Variants in GALNT15 observed in about 807,000 individuals in gnomAD.
GALNT15 encodes polypeptide N-acetylgalactosaminyltransferase 15.
In GALNT15, 67 loss-of-function variants were observed where a neutral mutation model predicts 66.8. The ratio of observed to expected loss-of-function variants is 1.00; its 90% CI spans 0.82 to 1.23. GALNT15 has a LOEUF of 1.23. Ranked by LOEUF, GALNT15 falls within the 50% of genes most tolerant of loss-of-function variation. GALNT15 has a pLI of 0.00. For missense variants in GALNT15, 827 were observed against 804.3 expected (o/e 1.03, Z -0.34); for synonymous variants, 313 against 311.5 (o/e 1.00, Z -0.05).
At chr3:16,235,697 T>C (rs759106621), downstream of GALNT15, among the ~76,000 whole-genome samples, 6 of 152,150 alleles carry the variant, frequency 3.9e-5, no homozygotes, top group Non-Finnish European at 8.8e-5. Context: ...AGTTAAGACT[T>C]CCATAATGAC....
At chr3:16,190,554 C>T (rs1443672525) in intron 1 of GALNT15, among the ~76,000 whole-genome samples, 5 of 149,222 alleles carry the variant, frequency 3.4e-5, no homozygotes, top group African/African-American at 4.9e-5. Flanking sequence ...AGGAGAATGG[C>T]GTGAGCCCGG....
At chr3:16,208,159 C>A (rs1418804598) in intron 3 of GALNT15, among the ~76,000 whole-genome samples, 1 of 152,026 alleles carries the variant, frequency 6.6e-6, no homozygotes, top group Non-Finnish European at 1.5e-5. Flanking sequence ...TAACACAAGC[C>A]ACATATGTAA....
Position 16,225,664 on chromosome 3 carries a change from C to T in GALNT15, c.1774-1690C>T, listed in dbSNP as rs55641654. 0.11 allele frequency among the ~76,000 whole-genome samples: 16,192 copies of T among 151,896 alleles called. 1,381 individuals are homozygous for T. Among genetic ancestry groups the T allele is most frequent in the African/African-American group, 0.23 (9,684 of 41,394 alleles). On this transcript the variant is annotated intron_variant, in intron 9 of 9. Transcript: ENST00000339732. This position sits in a 1 kb window ranked among gnomAD's most constrained non-coding sequence, Gnocchi z 4.4. ...GAGCTGAGATCGTGCCACTGTACTC[C>T]AGCCTGGGTGACAGAGAGAGACTGT...
Position 16,195,778 on chromosome 3 carries a change from T to A in GALNT15, c.558T>A (p.Pro186=). The A allele has an allele frequency of 6.2e-7, 1 of 1,613,376 alleles. No homozygotes were observed. The highest frequency in any genetic ancestry group is 8.5e-7 in the Non-Finnish European group (1 of 1,179,576). Residue 186 remains proline, a synonymous_variant, in exon 2 of 10, where the codon CCT becomes CCA. Transcript: ENST00000339732. This position sits in a 1 kb window ranked among gnomAD's most constrained non-coding sequence, Gnocchi z 4.6. ...CCTGCAGGTGTCTGCAGCAGCACCC[T>A]CAGGACAGCCTGCCCACAGCCAGCG... ...VRHPLCLQQH[P]QDSLPTASVI...
At chr3:16,179,677 T>C (rs574951587) in intron 1 of GALNT15, among the ~76,000 whole-genome samples, 1 of 152,310 alleles carries the variant, frequency 6.6e-6, no homozygotes, top group East Asian at 1.9e-4. Flanking sequence ...TACAGCACTG[T>C]ATCATTAGGG....
intron 6 of GALNT15, among the ~76,000 whole-genome samples, chr3:16,215,470 AT>A (rs1014175766): frequency 1.3e-5 from 2 of 152,164 alleles, no homozygotes; most frequent in Non-Finnish European, 2.9e-5. Flanking sequence ...ACCTTTTAGT[AT>A]TTTTTCTCTC....
In GALNT15 at chr3:16,211,134, G is replaced by T. The variant is rs780449462; in HGVS notation, c.1090G>T (p.Val364Leu). ...SPISPIRSPV[V>L]PGEVVAMDRH... ...GTCTTCTGTGTCCAGGAGCCCTGTG[G>T]TGCCCGGAGAGGTGGTGGCCATGGA... The change falls in exon 5 of 10, where the codon GTG (valine) becomes TTG (leucine). Residue 364 changes from valine to leucine, a missense_variant. Transcript: ENST00000339732. This position sits in a 1 kb window ranked among gnomAD's most constrained non-coding sequence, Gnocchi z 4.3. 6.2e-7 allele frequency: 1 copy of T among 1,612,804 alleles called. No homozygotes were observed. Among genetic ancestry groups the T allele is most frequent in the Non-Finnish European group, 8.5e-7 (1 of 1,178,874 alleles).
At position 16,226,009 on chromosome 3, in the gene GALNT15, ACTGTACTCCCGC is replaced by A. The variant is rs2064010192; in HGVS notation, c.1774-1341_1774-1330del. Among the ~76,000 whole-genome samples, 5 of 151,888 alleles carry A rather than the reference ACTGTACTCCCGC, an allele frequency of 3.3e-5. No homozygotes were observed. In the South Asian group the frequency reaches 1.0e-3, roughly 32 times the overall value. ...GGTTGCAATGAGCCGAGATCACACC[ACTGTACTCCCGC>A]CTGGGTGACAGAGCAAGACTCCTTC... On this transcript the variant is annotated intron_variant, in intron 9 of 9. Transcript: ENST00000339732.
intron 3 of GALNT15, among the ~76,000 whole-genome samples, chr3:16,207,619 C>T (rs1309567338): frequency 1.4e-5 from 2 of 146,948 alleles, no homozygotes; most frequent in African/African-American, 2.5e-5. Flanking sequence ...ATTATAGATA[C>T]CAGATGTTCA....
the GALNT15 span, among the ~76,000 whole-genome samples, chr3:16,246,851 G>A: frequency 6.6e-6 from 1 of 152,170 alleles, no homozygotes; most frequent in Non-Finnish European, 1.5e-5. Context: ...AAAATTAGGT[G>A]GGAAAATTGA....
rs2063720365 is a variant in GALNT15, at chr3:16,203,221, A to G, written c.911+2398A>G. The stretch of plus-strand genomic sequence containing the variant: ...TTGGAGAAGCTGGTCAGGGAGGAAC[A>G]TTAGTCATCCCTAACCCCACAACTG... On this transcript the variant is annotated intron_variant, in intron 3 of 9. Transcript: ENST00000339732. This position sits in a 1 kb window ranked among gnomAD's most constrained non-coding sequence, Gnocchi z 6.2. Among the ~76,000 whole-genome samples, 1 of 152,138 alleles carries G rather than the reference A, an allele frequency of 6.6e-6. No individual in the cohort carries two copies. Among genetic ancestry groups the G allele is most frequent in the African/African-American group, 2.4e-5 (1 of 41,402 alleles).
chr3:16,185,553 T>C (rs764712546), intron 1 of GALNT15, among the ~76,000 whole-genome samples: 9 of 152,168 alleles, frequency 5.9e-5, no homozygotes, highest in Non-Finnish European at 1.0e-4. Flanking sequence ...GTAAGCACAT[T>C]TGTAAGGCAG....
downstream of GALNT15, among the ~76,000 whole-genome samples, chr3:16,234,789 T>C (rs185715714): frequency 1.8e-3 from 271 of 152,292 alleles, 3 homozygotes; most frequent in African/African-American, 6.3e-3. Flanking sequence ...TCTCAACCCA[T>C]GCACAAGATA....
In GALNT15 at chr3:16,211,282, G is replaced by C. The variant is rs776242251; in HGVS notation, c.1197+41G>C. ...AGGGAGGACAGAGGTGGGATCTCTG[G>C]AGTGGTGTGTATGGTCACAGCTCAG... On this transcript the variant is annotated intron_variant, in intron 5 of 9. Transcript: ENST00000339732. This position sits in a 1 kb window ranked among gnomAD's most constrained non-coding sequence, Gnocchi z 4.3. The C allele has an allele frequency of 3.9e-6, 5 of 1,292,322 alleles. No individual in the cohort carries two copies. The African/African-American group carries it at 7.2e-5, about 19-fold the overall frequency. 80.1% of individuals were successfully genotyped at this position (1,292,322 alleles called of 1,614,324 possible). A position where few individuals can be genotyped will look rare whatever the true frequency, so the allele number is the denominator to read the frequency against.
At position 16,203,725 on chromosome 3, in the gene GALNT15, T is replaced by C. The variant is rs4684273; in HGVS notation, c.911+2902T>C. On this transcript the variant is annotated intron_variant, in intron 3 of 9. Coordinates refer to ENST00000339732, the MANE Select transcript of GALNT15 (RefSeq NM_054110.5). This position sits in a 1 kb window ranked among gnomAD's most constrained non-coding sequence, Gnocchi z 6.2. ...TGTCCACTGTGTTTTCTCTGGGCCCTAGTGTCCAGCTTTTAGGCACTGGCA... is the reference window on the plus strand; with the variant it reads ...TGTCCACTGTGTTTTCTCTGGGCCCCAGTGTCCAGCTTTTAGGCACTGGCA... Among the ~76,000 whole-genome samples, 79,707 of 151,442 alleles carry C rather than the reference T, an allele frequency of 0.53. 21,151 individuals carry two copies. The highest frequency in any genetic ancestry group is 0.57 in the East Asian group (2,944 of 5,120).
rs185840560 is a variant in GALNT15, at chr3:16,180,615, G to T, written c.539+4925G>T. On this transcript the variant is annotated intron_variant, in intron 1 of 9. Transcript: ENST00000339732. The surrounding 1 kb of genome is among the most constrained non-coding windows in gnomAD (Gnocchi z 5.0). Reference sequence around the variant, plus strand: ...AATTTTTTTAAGCTGATGCTAGATAGTCTGGGGAACTACTGGTAGAGAAAG... The same window carrying T: ...AATTTTTTTAAGCTGATGCTAGATATTCTGGGGAACTACTGGTAGAGAAAG... Among the ~76,000 whole-genome samples, 2 of 152,342 alleles carry T rather than the reference G, an allele frequency of 1.3e-5. No individual in the cohort carries two copies. The highest frequency in any genetic ancestry group is 2.9e-5 in the Non-Finnish European group (2 of 68,034).
rs1015340930 is a variant in GALNT15, at chr3:16,182,703, T to G, written c.539+7013T>G. 2 of 152,242 alleles carry G rather than the reference T, an allele frequency of 1.3e-5. No individual in the cohort carries two copies. The highest frequency in any genetic ancestry group is 2.9e-5 in the Non-Finnish European group (2 of 68,074). The allele number at this position is 152,242 out of a possible 1,614,324, so 9.4% of individuals were successfully genotyped here. ...AACAACCACTGCCCTCTACTCTAAC[T>G]GTGGTCCAGGAACCAACAGCATCAG... On this transcript the variant is annotated intron_variant, in intron 1 of 9. Coordinates refer to ENST00000339732, the MANE Select transcript of GALNT15 (RefSeq NM_054110.5). This position sits in a 1 kb window ranked among gnomAD's most constrained non-coding sequence, Gnocchi z 6.1.
chr3:16,228,164 C>T lies in GALNT15; in HGVS notation c.*664C>T, dbSNP rs1475807897. 7 of 985,860 alleles carry T rather than the reference C, an allele frequency of 7.1e-6. No homozygotes were observed. Among genetic ancestry groups the T allele is most frequent in the Non-Finnish European group, 7.2e-6 (6 of 830,058 alleles). The allele number at this position is 985,860 out of a possible 1,614,324, so 61.1% of individuals were successfully genotyped here. A position where few individuals can be genotyped will look rare whatever the true frequency, so the allele number is the denominator to read the frequency against. On this transcript the variant is annotated 3_prime_UTR_variant, in exon 10 of 10. Coordinates refer to ENST00000339732, the MANE Select transcript of GALNT15 (RefSeq NM_054110.5). ...ACATTTTCATGTTAATGAGAATTTCCACCATTGTAGAGAATTTCCTTCCTA... is the reference window on the plus strand; with the variant it reads ...ACATTTTCATGTTAATGAGAATTTCTACCATTGTAGAGAATTTCCTTCCTA...
In GALNT15 at chr3:16,224,423, T is replaced by C. The variant is rs989713639; in HGVS notation, c.1773+1665T>C. Among the ~76,000 whole-genome samples, 1 of 152,118 alleles carries C rather than the reference T, an allele frequency of 6.6e-6. No individual in the cohort carries two copies. The highest frequency in any genetic ancestry group is 2.4e-5 in the African/African-American group (1 of 41,414). ...AAACCCATCACAAAAGGACAAAAAC[T>C]GTATGATTCCACTTTTATGAGATAT... On this transcript the variant is annotated intron_variant, in intron 9 of 9. Transcript: ENST00000339732. The surrounding 1 kb of genome is among the most constrained non-coding windows in gnomAD (Gnocchi z 5.2).
Sources: gnomAD v4.1 joint callset for allele counts (sites outside exome capture counted in the v4.1 genomes callset) on GRCh38, gnomAD v4.1.1 for gene constraint, Gnocchi (gnomAD v3.1) non-coding constraint, MANE v1.5 for transcripts, NCBI Gene and HGNC (gene_info 2026-07-23, HGNC 2026-07-21) for gene names.